Variants in TCP11L2 observed in about 807,000 individuals in gnomAD.
The protein encoded by TCP11L2 is T-complex protein 11-like protein 2.
A neutral mutation model predicts 50.7 loss-of-function variants in TCP11L2; 39 were observed. The observed-to-expected ratio is 0.77, with a 90% confidence interval of 0.60 to 1.01. TCP11L2 has a LOEUF of 1.01. Ranked by LOEUF, TCP11L2 falls within the 50% of genes least tolerant of loss-of-function variation. The probability of loss-of-function intolerance (pLI) is 0.00; values close to 1 mark genes in which losing one functional copy is unlikely to be tolerated. For synonymous variants in TCP11L2, 192 were observed against 219.3 expected (o/e 0.88, Z 1.10); for missense variants, 612 against 614.7 (o/e 1.00, Z 0.05).
In TCP11L2 at chr12:106,321,694, T is replaced by C; in HGVS notation, c.623T>C (p.Val208Ala). 1 of 1,614,080 alleles carries C rather than the reference T, an allele frequency of 6.2e-7. No individual in the cohort carries two copies. The highest frequency in any genetic ancestry group is 8.5e-7 in the Non-Finnish European group (1 of 1,179,992). The stretch of plus-strand genomic sequence containing the variant: ...GAGTTAAAGGCTACTGGCAACATCG[T>C]GGAGGTGCTGAGGTTAGCACTTTTG... Reference protein sequence around the residue: ...IRELKATGNIVEVLRQIFHVL... With the variant: ...IRELKATGNIAEVLRQIFHVL... Residue 208 changes from valine to alanine, a missense_variant, in exon 5 of 10, where the codon GTG (valine) becomes GCG (alanine). Coordinates refer to ENST00000299045, the MANE Select transcript of TCP11L2 (RefSeq NM_152772.3).
rs140996881 is a variant in TCP11L2, at chr12:106,323,712, T to TTTAAA, written c.772+96_772+100dup. 3.8e-4 allele frequency: 175 copies of TTTAAA among 458,478 alleles called. 1 individual carries two copies. Among genetic ancestry groups the TTTAAA allele is most frequent in the Middle Eastern group, 5.3e-4 (1 of 1,872 alleles). The allele number at this position is 458,478 out of a possible 1,614,324, so 28.4% of individuals were successfully genotyped here. A position where few individuals can be genotyped will look rare whatever the true frequency, so the allele number is the denominator to read the frequency against. On this transcript the variant is annotated intron_variant, in intron 6 of 9. Transcript: ENST00000299045. ...AAAATGATGATTTTAAATGTTAAAA[T>TTTAAA]TTAAATTAAATTAAATTAAATTAAA...
intron 1 of TCP11L2, among the ~76,000 whole-genome samples, chr12:106,305,995 A>G (rs2034616968): frequency 6.6e-6 from 1 of 152,202 alleles, no homozygotes; most frequent in South Asian, 2.1e-4. Flanking sequence ...GAACTCTTAA[A>G]AAGGATTATC....
At chr12:106,308,210 C>A (rs1425869777) in intron 1 of TCP11L2, among the ~76,000 whole-genome samples, 1 of 152,172 alleles carries the variant, frequency 6.6e-6, no homozygotes, top group Non-Finnish European at 1.5e-5. Flanking sequence ...CATTTAATTT[C>A]TCAGAACTTC....
upstream of TCP11L2, among the ~76,000 whole-genome samples, chr12:106,298,605 T>G (rs978993992): frequency 6.6e-6 from 1 of 152,146 alleles, no homozygotes; most frequent in Non-Finnish European, 1.5e-5. Context: ...CACTGCAACC[T>G]CCGCCCCCCA....
intron 1 of TCP11L2, among the ~76,000 whole-genome samples, chr12:106,306,699 C>G (rs1042503836): frequency 6.6e-6 from 1 of 152,118 alleles, no homozygotes; most frequent in African/African-American, 2.4e-5. Context: ...AGTTGACATC[C>G]GTCAGGCACT....
intron 3 of TCP11L2, among the ~76,000 whole-genome samples, chr12:106,317,672 G>T (rs142072930): frequency 2.4e-4 from 36 of 152,306 alleles, no homozygotes; most frequent in African/African-American, 7.7e-4. Context: ...TAGCTCTGTG[G>T]GGAAAGAGCC....
intron 6 of TCP11L2, chr12:106,329,614 A>G: frequency 1.5e-6 from 2 of 1,338,396 alleles, no homozygotes; most frequent in African/African-American, 1.5e-5. Flanking sequence ...TTTCCTTTTT[A>G]AAGCTCCCCA....
chr12:106,329,599 CTT>C, intron 6 of TCP11L2: 12 of 1,359,142 alleles, frequency 8.8e-6, no homozygotes, highest in East Asian at 2.8e-5. Flanking sequence ...CCCATGAACT[CTT>C]TTTTTCCTTT....
intron 3 of TCP11L2, among the ~76,000 whole-genome samples, chr12:106,317,018 C>T (rs1173721031): frequency 1.3e-5 from 2 of 152,280 alleles, no homozygotes; most frequent in East Asian, 3.9e-4. Flanking sequence ...TGAGACCATA[C>T]CTGAACCTCA....
At chr12:106,302,405 TCAGCCCCCGCTCC>T (rs2034448139), upstream of TCP11L2, among the ~76,000 whole-genome samples, 1 of 48,350 alleles carries the variant, frequency 2.1e-5, no homozygotes. Flanking sequence ...CAGCCCCCGC[TCAGCCCCCGCTCC>T]CCCACTCGGC....
intron 6 of TCP11L2, among the ~76,000 whole-genome samples, chr12:106,327,394 G>A (rs73197519): frequency 6.6e-6 from 1 of 152,076 alleles, no homozygotes; most frequent in South Asian, 2.1e-4. Flanking sequence ...ACGGGGGTCT[G>A]TGTTGCTCAG....
chr12:106,326,955 G>C (rs373489345), intron 6 of TCP11L2, among the ~76,000 whole-genome samples: 13 of 152,104 alleles, frequency 8.5e-5, no homozygotes, highest in African/African-American at 3.1e-4. Context: ...ACCCTACATC[G>C]AACCTGGATC....
chr12:106,344,624 A>T (rs571965733), intron 9 of TCP11L2, among the ~76,000 whole-genome samples: 2 of 152,216 alleles, frequency 1.3e-5, no homozygotes, highest in African/African-American at 4.8e-5. Context: ...GCTGGAATGT[A>T]TGATTTTTGT....
At chr12:106,326,904 G>A (rs1328517406) in intron 6 of TCP11L2, among the ~76,000 whole-genome samples, 1 of 152,198 alleles carries the variant, frequency 6.6e-6, no homozygotes, top group African/African-American at 2.4e-5. Flanking sequence ...CAAGGGCTAT[G>A]TTGTTTTAGC....
intron 2 of TCP11L2, among the ~76,000 whole-genome samples, chr12:106,312,609 G>T (rs561185796): frequency 5.9e-5 from 9 of 152,074 alleles, no homozygotes; most frequent in Non-Finnish European, 1.3e-4. Context: ...GTAGCCAGGC[G>T]CAGTGGCTCA....
chr12:106,327,516 A>T (rs1406736960), intron 6 of TCP11L2, among the ~76,000 whole-genome samples: 2 of 152,180 alleles, frequency 1.3e-5, no homozygotes, highest in East Asian at 3.9e-4. Context: ...AGTGACCTGT[A>T]ATCCATTTGC....
upstream of TCP11L2, among the ~76,000 whole-genome samples, chr12:106,302,271 T>C (rs1373525012): frequency 6.6e-6 from 1 of 151,658 alleles, no homozygotes; most frequent in Non-Finnish European, 1.5e-5. Flanking sequence ...CACTGGAGGC[T>C]TGGCCCGCGG....
intron 4 of TCP11L2, 108 bp downstream of exon 4, chr12:106,318,572 C>G: frequency 7.1e-7 from 1 of 1,415,900 alleles, no homozygotes; most frequent in Non-Finnish European, 9.5e-7. Flanking sequence ...TTACTTCTCA[C>G]AGTACTGGAG....
chr12:106,326,302 G>A (rs1283829767), intron 6 of TCP11L2, among the ~76,000 whole-genome samples: 1 of 152,180 alleles, frequency 6.6e-6, no homozygotes, highest in Admixed American at 6.5e-5. Context: ...CGTCGAGGAA[G>A]CTGGGCATGT....
Sources: gnomAD v4.1 joint callset for allele counts (sites outside exome capture counted in the v4.1 genomes callset) on GRCh38, gnomAD v4.1.1 for gene constraint, MANE v1.5 for transcripts, NCBI Gene and HGNC (gene_info 2026-07-23, HGNC 2026-07-21) for gene names.